Variants in MICU1 observed in about 807,000 individuals in gnomAD.
The protein encoded by MICU1 is calcium uptake protein 1, mitochondrial.
In MICU1, 45 loss-of-function variants were observed where a neutral mutation model predicts 56.8. The observed-to-expected ratio is 0.79, with a 90% CI of 0.62 to 1.02. The LOEUF is 1.02. Among genes scored for constraint, MICU1 ranks in the 50% least tolerant of loss-of-function variants. The pLI is 0.00. For synonymous variants in MICU1, 186 were observed against 195.1 expected (o/e 0.95, Z 0.39); for missense variants, 504 against 587.1 (o/e 0.86, Z 1.46).
At chr10:72,470,861 G>A (rs1589253318) in intron 8 of MICU1, among the ~76,000 whole-genome samples, 2 of 152,178 alleles carry the variant, frequency 1.3e-5, no homozygotes, top group South Asian at 4.1e-4. Flanking sequence ...CCTCACATGA[G>A]GAACTGCTGA....
At chr10:72,599,012 C>T (rs570145337) in intron 1 of MICU1, among the ~76,000 whole-genome samples, 2 of 152,234 alleles carry the variant, frequency 1.3e-5, no homozygotes, top group East Asian at 1.9e-4. Flanking sequence ...GTGAGTTTCC[C>T]GTTCCATCGT....
chr10:72,606,338 C>T (rs1043476393), intron 1 of MICU1, among the ~76,000 whole-genome samples: 5 of 151,618 alleles, frequency 3.3e-5, no homozygotes, highest in Non-Finnish European at 5.9e-5. Context: ...ACAGTGAAAC[C>T]CCGTCTCTAC....
At chr10:72,419,089 A>G (rs1218087184) in intron 9 of MICU1, among the ~76,000 whole-genome samples, 1 of 152,208 alleles carries the variant, frequency 6.6e-6, no homozygotes, top group African/African-American at 2.4e-5. Context: ...GATGCCTCCA[A>G]TGCCCCTTAT....
intron 1 of MICU1, among the ~76,000 whole-genome samples, chr10:72,578,265 AT>A (rs1055608629): frequency 2.7e-5 from 4 of 149,466 alleles, no homozygotes; most frequent in Non-Finnish European, 6.0e-5. Context: ...AGCAATAAAG[AT>A]TTTTTTTTTG....
At chr10:72,497,072 T>C (rs1480951396) in intron 6 of MICU1, among the ~76,000 whole-genome samples, 1 of 152,096 alleles carries the variant, frequency 6.6e-6, no homozygotes, top group Non-Finnish European at 1.5e-5. Flanking sequence ...TTTCTTTTTT[T>C]TTTTTGAGAT....
intron 10 of MICU1, among the ~76,000 whole-genome samples, chr10:72,396,051 C>T (rs553816353): frequency 2.6e-5 from 4 of 152,310 alleles, no homozygotes; most frequent in African/African-American, 9.6e-5. Context: ...CTCATACAGG[C>T]GGCTGCCTCT....
intron 4 of MICU1, among the ~76,000 whole-genome samples, chr10:72,546,329 C>T (rs1839892798): frequency 6.6e-6 from 1 of 152,224 alleles, no homozygotes; most frequent in South Asian, 2.1e-4. Context: ...TTCCTCTGTA[C>T]ATAGTGAACT....
At chr10:72,552,434 T>C (rs1487554876) in intron 3 of MICU1, among the ~76,000 whole-genome samples, 1 of 152,218 alleles carries the variant, frequency 6.6e-6, no homozygotes, top group African/African-American at 2.4e-5. Flanking sequence ...ATAAATATCT[T>C]ATAAATAACT....
At chr10:72,590,022 A>T (rs1841178464) in intron 1 of MICU1, among the ~76,000 whole-genome samples, 1 of 152,178 alleles carries the variant, frequency 6.6e-6, no homozygotes. Context: ...GAAAGAAAAA[A>T]AAAAATCTAC....
intron 10 of MICU1, among the ~76,000 whole-genome samples, chr10:72,406,228 T>C (rs889694686): frequency 6.6e-6 from 1 of 152,146 alleles, no homozygotes; most frequent in Non-Finnish European, 1.5e-5. Flanking sequence ...ATTCCATTTA[T>C]AATGGGATCG....
At chr10:72,587,656 C>T (rs532492917) in intron 1 of MICU1, among the ~76,000 whole-genome samples, 11 of 151,818 alleles carry the variant, frequency 7.2e-5, no homozygotes, top group African/African-American at 1.9e-4. Flanking sequence ...TGGTGGTGCA[C>T]GTCTGTAATC....
intron 9 of MICU1, among the ~76,000 whole-genome samples, chr10:72,418,305 A>G (rs553272740): frequency 2.3e-4 from 35 of 152,244 alleles, no homozygotes; most frequent in African/African-American, 8.4e-4. Context: ...GCCTGGACCC[A>G]CCTACTGAGC....
chr10:72,372,999 C>T (rs997579313), intron 11 of MICU1, among the ~76,000 whole-genome samples: 1 of 151,790 alleles, frequency 6.6e-6, no homozygotes, highest in African/African-American at 2.4e-5. Flanking sequence ...ATGGGTTTAC[C>T]TTCTGCTTCC....
intron 8 of MICU1, among the ~76,000 whole-genome samples, chr10:72,469,066 T>C (rs552425645): frequency 6.6e-6 from 1 of 152,280 alleles, no homozygotes; most frequent in South Asian, 2.1e-4. Context: ...ATCCAGAACA[T>C]GGGTAAAACA....
intron 9 of MICU1, among the ~76,000 whole-genome samples, chr10:72,410,629 C>CA (rs949541912): frequency 2.6e-5 from 4 of 152,030 alleles, no homozygotes; most frequent in African/African-American, 9.7e-5. Context: ...CAAAACAAAA[C>CA]AAAACAACCA....
chr10:72,383,934 CT>C (rs1013293201), intron 10 of MICU1, among the ~76,000 whole-genome samples: 3 of 151,794 alleles, frequency 2.0e-5, no homozygotes, highest in African/African-American at 7.3e-5. Flanking sequence ...GTAACTGGGA[CT>C]ACAGGTGTGG....
At chr10:72,426,538 T>A (rs1463963590) in intron 8 of MICU1, among the ~76,000 whole-genome samples, 2 of 151,788 alleles carry the variant, frequency 1.3e-5, no homozygotes, top group Non-Finnish European at 2.9e-5. Context: ...GCTGGGACTA[T>A]AGGCATGCAC....
intron 4 of MICU1, among the ~76,000 whole-genome samples, chr10:72,538,828 A>C (rs1839699307): frequency 6.6e-6 from 1 of 152,110 alleles, no homozygotes. Flanking sequence ...TTTTAAAAAG[A>C]CCCAACTATA....
intron 1 of MICU1, among the ~76,000 whole-genome samples, chr10:72,606,771 T>C (rs1159753948): frequency 2.0e-5 from 3 of 152,086 alleles, no homozygotes; most frequent in African/African-American, 7.2e-5. Flanking sequence ...ACCAACCATG[T>C]GATTAGAAAG....
Sources: allele counts gnomAD v4.1 joint callset (sites outside exome capture counted in the v4.1 genomes callset), GRCh38; gene constraint gnomAD v4.1.1; transcripts MANE v1.5; gene names NCBI Gene and HGNC (gene_info 2026-07-23, HGNC 2026-07-21).